The following DIP2A variants were observed in gnomAD, a reference collection of about 807,000 sequenced individuals.
DIP2A encodes DIP2 acetate--CoA ligase A.
A neutral mutation model predicts 177.4 loss-of-function variants in DIP2A; 85 were observed. The observed-to-expected ratio is 0.48, with a 90% CI of 0.40 to 0.57. DIP2A has a LOEUF of 0.57. DIP2A is among the 20% of genes least tolerant of loss of function. The pLI is 0.00. For synonymous variants in DIP2A, 886 were observed against 881.8 expected, an observed-to-expected ratio of 1.00 and a Z score of -0.08; for missense variants, 1,791 against 2,100.2, an observed-to-expected ratio of 0.85 and a Z score of 2.88.
chr21:46,506,748 C>CTTTTCT (rs1568994455), intron 6 of DIP2A, among the ~76,000 whole-genome samples: 8 of 109,034 alleles, frequency 7.3e-5, no homozygotes, highest in East Asian at 2.6e-4. Context: ...TTCTTTCTTT[C>CTTTTCT]TTTCTTTCTT....
chr21:46,538,643 TC>T, intron 16 of DIP2A, 41 bp downstream of exon 16: 1 of 1,539,378 alleles, frequency 6.5e-7, no homozygotes, highest in Non-Finnish European at 8.7e-7. Flanking sequence ...CCACACAGTG[TC>T]CCCTCCTGCA....
intron 21 of DIP2A, among the ~76,000 whole-genome samples, chr21:46,549,274 A>C (rs1202197751): frequency 6.6e-6 from 1 of 152,216 alleles, no homozygotes; most frequent in African/African-American, 2.4e-5. Context: ...ATGAAAGAAA[A>C]GACAAAGATA....
rs2057451924 is a variant in DIP2A at position 46,498,092 on chromosome 21, G to T, written c.404-490G>T. 6.6e-6 allele frequency among the ~76,000 whole-genome samples: 1 copy of T among 152,188 alleles called. No individual in the cohort carries two copies. Among genetic ancestry groups the T allele is most frequent in the Non-Finnish European group, 1.5e-5 (1 of 68,034 alleles). On this transcript the variant is annotated intron_variant, in intron 4 of 37. Transcript: ENST00000417564. The surrounding 1 kb of genome is among the most constrained non-coding windows in gnomAD (Gnocchi z 4.3). ...AAGGATGCATGTAGACAGGGCTGCG[G>T]TTCTCCCATGGCCACCATGTTGTTG...
In DIP2A at chr21:46,551,754, A is replaced by G; in HGVS notation, c.2949+11A>G. ...GACCAGGCACGGAAGGTGACAGGCC[A>G]GTTCCGGGGACGGGTGGACGGGTGT... On this transcript the variant is annotated intron_variant, in intron 24 of 37. Transcript: ENST00000417564. 1 of 1,613,930 alleles carries G rather than the reference A, an allele frequency of 6.2e-7. No individual in the cohort carries two copies. The highest frequency in any genetic ancestry group is 8.5e-7 in the Non-Finnish European group (1 of 1,179,866).
chr21:46,500,520 A>T (rs2057591707), intron 5 of DIP2A, among the ~76,000 whole-genome samples: 1 of 152,226 alleles, frequency 6.6e-6, no homozygotes, highest in Non-Finnish European at 1.5e-5. Flanking sequence ...AGGGGCAGGA[A>T]AACAGTAGTT....
intron 18 of DIP2A, among the ~76,000 whole-genome samples, chr21:46,543,967 A>G (rs752268794): frequency 7.9e-5 from 12 of 152,142 alleles, no homozygotes; most frequent in Admixed American, 5.9e-4. Context: ...GTCTTTGGAG[A>G]TGAGAATATA....
At chr21:46,564,019 C>A in intron 35 of DIP2A, 87 bp downstream of exon 35, 1 of 1,459,480 alleles carries the variant, frequency 6.9e-7, no homozygotes, top group Non-Finnish European at 9.3e-7. Flanking sequence ...TTTTGGAATT[C>A]TAAACTTGCC....
At chr21:46,551,588 A>C (rs756315223) in intron 23 of DIP2A, 46 bp from the exon 24 acceptor site, 1 of 1,501,576 alleles carries the variant, frequency 6.7e-7, no homozygotes, top group Non-Finnish European at 9.2e-7. Context: ...TGATGTTTAT[A>C]TATGAGAAGT....
chr21:46,506,919 G>GCC (rs2058044235), intron 6 of DIP2A, among the ~76,000 whole-genome samples: 1 of 149,334 alleles, frequency 6.7e-6, no homozygotes, highest in South Asian at 2.1e-4. Context: ...TCCTGCCTCA[G>GCC]TCTCGTGAGT....
At chr21:46,566,790 C>T in intron 37 of DIP2A, 107 bp downstream of exon 37, 1 of 1,422,472 alleles carries the variant, frequency 7.0e-7, no homozygotes, top group Non-Finnish European at 9.6e-7. Context: ...GGGCCCTGGG[C>T]ACAGGCCTCC....
chr21:46,487,813 C>T (rs2056781780), intron 2 of DIP2A, among the ~76,000 whole-genome samples: 1 of 152,150 alleles, frequency 6.6e-6, no homozygotes, highest in African/African-American at 2.4e-5. Context: ...AACCAAGACC[C>T]TAATATATGA....
intron 1 of DIP2A, among the ~76,000 whole-genome samples, chr21:46,471,855 A>G (rs539117368): frequency 2.0e-5 from 3 of 152,228 alleles, no homozygotes; most frequent in Non-Finnish European, 4.4e-5. Context: ...GCTATAAGGA[A>G]AGAATAGAAA....
At chr21:46,481,661 A>G (rs1279845733) in intron 1 of DIP2A, among the ~76,000 whole-genome samples, 2 of 152,354 alleles carry the variant, frequency 1.3e-5, no homozygotes, top group African/African-American at 2.4e-5. Context: ...TTGAATAGGC[A>G]TATAGTGGTA....
chr21:46,545,387 A>C, intron 19 of DIP2A, 114 bp downstream of exon 19: 1 of 1,278,806 alleles, frequency 7.8e-7, no homozygotes, highest in Non-Finnish European at 1.1e-6. Flanking sequence ...GTCTCCTTCC[A>C]CACAGGCGCT....
Position 46,545,236 on chromosome 21 carries a change from A to G in DIP2A, c.2276A>G (p.Tyr759Cys), listed in dbSNP as rs763305072. The G allele has an allele frequency of 1.6e-5, 26 of 1,605,216 alleles. No homozygotes were observed. The highest frequency in any genetic ancestry group is 2.2e-5 in the Non-Finnish European group (26 of 1,173,362). ...AGTTCCAGTGCAACTGGCACAGCGT[A>G]CTATGGATTGCTTGGAATCACGAAG... ...CVSSSATGTAYYGLLGITKNV... is the reference protein window; with the variant it reads ...CVSSSATGTACYGLLGITKNV... Residue 759 changes from tyrosine (Y) to cysteine (C), a missense_variant, in exon 19 of 38, where the codon TAC becomes TGC. By Grantham distance (194) the Tyr-to-Cys change is radical. Coordinates refer to ENST00000417564, the MANE Select transcript of DIP2A (RefSeq NM_015151.4).
chr21:46,494,290 G>A (rs2057184030), intron 3 of DIP2A, among the ~76,000 whole-genome samples: 1 of 152,196 alleles, frequency 6.6e-6, no homozygotes, highest in Non-Finnish European at 1.5e-5. Context: ...AGCTGTGTTT[G>A]TCTGATGGTT....
chr21:46,466,758 G>T (rs774567116), intron 1 of DIP2A, among the ~76,000 whole-genome samples: 1 of 150,524 alleles, frequency 6.6e-6, no homozygotes, highest in Non-Finnish European at 1.5e-5. Context: ...TTTTCCAACT[G>T]CATGTCTCTC....
chr21:46,477,543 T>TTTTTTGTGTGTGTGTGTGTGTG (rs374607636), intron 1 of DIP2A, among the ~76,000 whole-genome samples: 15 of 87,128 alleles, frequency 1.7e-4, no homozygotes, highest in African/African-American at 6.5e-4. Context: ...AAAAAAAGAT[T>TTTTTTGTGTGTGTGTGTGTGTG]TGTGTGTGTG....
At chr21:46,497,291 T>C (rs1489262048) in intron 4 of DIP2A, among the ~76,000 whole-genome samples, 184 bp downstream of exon 4, 1 of 152,252 alleles carries the variant, frequency 6.6e-6, no homozygotes, top group Non-Finnish European at 1.5e-5. Context: ...GTGTACATAG[T>C]ATTCTTACCC....
Sources: gnomAD v4.1 joint callset for allele counts (sites outside exome capture counted in the v4.1 genomes callset) on GRCh38, gnomAD v4.1.1 for gene constraint, Gnocchi (gnomAD v3.1) non-coding constraint, MANE v1.5 for transcripts, NCBI Gene and HGNC (gene_info 2026-07-23, HGNC 2026-07-21) for gene names.